The following RIPK4 variants were observed in gnomAD, a reference collection of about 807,000 sequenced individuals.
RIPK4 encodes receptor-interacting serine/threonine-protein kinase 4.
A neutral mutation model predicts 42.9 loss-of-function variants in RIPK4; 17 were observed. The observed-to-expected ratio is 0.40, with a 90% CI of 0.27 to 0.59. The LOEUF is 0.59. RIPK4 is among the 20% of genes least tolerant of loss of function. RIPK4 has a pLI of 0.47. For missense variants in RIPK4, 897 were observed against 1,104.4 expected, an observed-to-expected ratio of 0.81 and a Z score of 2.66; for synonymous variants, 498 against 499.1, an observed-to-expected ratio of 1.00 and a Z score of 0.03.
chr21:41,760,534 G>T (rs1481842267), intron 1 of RIPK4, among the ~76,000 whole-genome samples: 1 of 152,228 alleles, frequency 6.6e-6, no homozygotes, highest in African/African-American at 2.4e-5. Context: ...AGGGGCACCC[G>T]GGAGGCCAGC....
At chr21:41,766,485 G>T (rs1175490506) in intron 1 of RIPK4, among the ~76,000 whole-genome samples, 1 of 152,178 alleles carries the variant, frequency 6.6e-6, no homozygotes, top group African/African-American at 2.4e-5. Context: ...GCGCGGGTCC[G>T]AGGCGCAAGG....
At chr21:41,759,026 G>A (rs543886349) in intron 1 of RIPK4, among the ~76,000 whole-genome samples, 2 of 152,348 alleles carry the variant, frequency 1.3e-5, no homozygotes, top group African/African-American at 4.8e-5. Flanking sequence ...CCAGGAAGCT[G>A]GCTGGAATGC....
Position 41,751,865 on chromosome 21 carries a change from T to A in RIPK4, c.475-620A>T, listed in dbSNP as rs2061189598. On this transcript the variant is annotated intron_variant, in intron 2 of 7. Coordinates refer to ENST00000332512, the MANE Select transcript of RIPK4 (RefSeq NM_020639.3). The surrounding 1 kb of genome is among the most constrained non-coding windows in gnomAD (Gnocchi z 4.5). The stretch of plus-strand genomic sequence containing the variant: ...ACACTGGCTGGCTGCTTCAAACACA[T>A]GTGTTCGAGTGAAGGTCTGATAAAC... Among the ~76,000 whole-genome samples, 1 of 152,194 alleles carries A rather than the reference T, an allele frequency of 6.6e-6. No individual in the cohort carries two copies. Among genetic ancestry groups the A allele is most frequent in the Non-Finnish European group, 1.5e-5 (1 of 68,028 alleles).
chr21:41,749,085 A>G, intron 4 of RIPK4, 69 bp downstream of exon 4: 1 of 1,521,606 alleles, frequency 6.6e-7, no homozygotes, highest in African/African-American at 1.4e-5. Context: ...TAGAGAAAGG[A>G]CAACAAGGTG....
At chr21:41,749,600 CA>C (rs1318856446) in intron 3 of RIPK4, among the ~76,000 whole-genome samples, 1 of 152,192 alleles carries the variant, frequency 6.6e-6, no homozygotes, top group Non-Finnish European at 1.5e-5. Context: ...GAATGATGGG[CA>C]ACTCCCATGC....
rs1031604260 is a variant in RIPK4, at chr21:41,751,511, G to A, written c.475-266C>T. Among the ~76,000 whole-genome samples, 2 of 152,210 alleles carry A rather than the reference G, an allele frequency of 1.3e-5. No homozygotes were observed. The highest frequency in any genetic ancestry group is 2.9e-5 in the Non-Finnish European group (2 of 68,040). ...CGTACTGTAAGGAAGGAGTTATCCG[G>A]GACAGAACTGCAGAAGAATTAGAAT... On this transcript the variant is annotated intron_variant, in intron 2 of 7. Transcript: ENST00000332512. The surrounding 1 kb of genome is among the most constrained non-coding windows in gnomAD (Gnocchi z 4.5).
chr21:41,741,561 G>T lies in RIPK4; in HGVS notation c.1632C>A (p.Ala544=). 1 of 1,612,020 alleles carries T rather than the reference G, an allele frequency of 6.2e-7. No individual in the cohort carries two copies. Among genetic ancestry groups the T allele is most frequent in the African/African-American group, 1.3e-5 (1 of 75,060 alleles). Residue 544 remains alanine, a synonymous_variant, in exon 8 of 8, where the codon GCC becomes GCA. Coordinates refer to ENST00000332512, the MANE Select transcript of RIPK4 (RefSeq NM_020639.3). The stretch of plus-strand genomic sequence containing the variant: ...CGATATTCTCCTGCCCGTGCTGGCA[G>T]GCCACGTGCATGGGCGTCCGGCCCT... ...DFEGRTPMHV[A]CQHGQENIVR...
intron 1 of RIPK4, among the ~76,000 whole-genome samples, chr21:41,762,790 C>T (rs1194999989): frequency 6.6e-6 from 1 of 151,658 alleles, no homozygotes; most frequent in African/African-American, 2.4e-5. Flanking sequence ...TTACTATTAT[C>T]ATTTTAACAC....
At position 41,740,704 on chromosome 21, in the gene RIPK4, CA is replaced by C; in HGVS notation, c.*133del. 1.1e-6 allele frequency: 1 copy of C among 902,240 alleles called. No homozygotes were observed. The highest frequency in any genetic ancestry group is 1.8e-5 in the South Asian group (1 of 56,250). 55.9% of individuals were successfully genotyped at this position (902,240 alleles called of 1,614,324 possible). ...GTCAGCAGCAGCCGCCTCCTGATGG[CA>C]CCATGTCACCTCTGCTTGGTTAACA... On this transcript the variant is annotated 3_prime_UTR_variant, in exon 8 of 8. Transcript: ENST00000332512.
chr21:41,749,111 A>G (rs780356339), intron 4 of RIPK4, 43 bp downstream of exon 4: 2 of 1,604,196 alleles, frequency 1.2e-6, no homozygotes, highest in African/African-American at 1.3e-5. Context: ...CCATTATTCC[A>G]GGAAAGACAA....
intron 2 of RIPK4, among the ~76,000 whole-genome samples, chr21:41,752,424 T>C (rs2061191167): frequency 1.3e-5 from 2 of 151,968 alleles, no homozygotes; most frequent in Admixed American, 6.5e-5. Context: ...TGAGCACATC[T>C]GCAGGGAGGT....
chr21:41,747,580 G>A (rs936353972), intron 4 of RIPK4, among the ~76,000 whole-genome samples: 66 of 152,318 alleles, frequency 4.3e-4, no homozygotes, highest in Non-Finnish European at 7.2e-4. Flanking sequence ...CTCAGCAGGT[G>A]TGGAAAATCA....
chr21:41,745,885 T>C (rs778028069), intron 5 of RIPK4, 23 bp from the exon 6 acceptor site: 5 of 1,566,238 alleles, frequency 3.2e-6, no homozygotes, highest in Admixed American at 1.7e-5. Flanking sequence ...AAAGGGGACA[T>C]GTCACTCGGA....
At chr21:41,766,075 G>A (rs1450435266) in intron 1 of RIPK4, among the ~76,000 whole-genome samples, 4 of 152,254 alleles carry the variant, frequency 2.6e-5, no homozygotes, top group Admixed American at 1.3e-4. Context: ...GTGCAGGAGG[G>A]CCCCATGGCA....
chr21:41,766,243 C>T (rs932100865), intron 1 of RIPK4, among the ~76,000 whole-genome samples: 4 of 152,250 alleles, frequency 2.6e-5, no homozygotes, highest in Non-Finnish European at 5.9e-5. Flanking sequence ...CCCGGAGCTC[C>T]ACCGCGCAAG....
chr21:41,745,517 G>A (rs900626954), intron 6 of RIPK4, among the ~76,000 whole-genome samples: 1 of 152,198 alleles, frequency 6.6e-6, no homozygotes, highest in African/African-American at 2.4e-5. Flanking sequence ...TGGCTATTTA[G>A]TGTCAGGGAA....
rs1376549677 is a variant in RIPK4, at chr21:41,741,168, G to A, written c.2025C>T (p.His675=). Residue 675 remains histidine (H), a synonymous_variant, in exon 8 of 8, where the codon CAC becomes CAT. Transcript: ENST00000332512. ...CCAGGTGTCCGTTGCGGGCAGCCAGGTGCAGAGCGGTGTAGCCGTCTGAGG... is the reference window on the plus strand; with the variant it reads ...CCAGGTGTCCGTTGCGGGCAGCCAGATGCAGAGCGGTGTAGCCGTCTGAGG... The part of the protein sequence containing the change: ...AMTSDGYTAL[H]LAARNGHLAT... The A allele has an allele frequency of 1.9e-6, 3 of 1,612,430 alleles. No homozygotes were observed. In the African/African-American group the frequency reaches 4.0e-5, roughly 22 times the overall value.
At chr21:41,754,558 C>T (rs375589265) in intron 2 of RIPK4, among the ~76,000 whole-genome samples, 1 of 152,214 alleles carries the variant, frequency 6.6e-6, no homozygotes, top group Non-Finnish European at 1.5e-5. Context: ...CCCCCTGCAG[C>T]TGTCCTGAAA....
chr21:41,744,797 C>T (rs533410422), intron 6 of RIPK4, among the ~76,000 whole-genome samples: 3 of 152,132 alleles, frequency 2.0e-5, no homozygotes, highest in Non-Finnish European at 4.4e-5. Context: ...TGTGTGGGGA[C>T]GAGGGAAAGG....
Sources: allele counts gnomAD v4.1 joint callset (sites outside exome capture counted in the v4.1 genomes callset), GRCh38; gene constraint gnomAD v4.1.1; non-coding constraint Gnocchi (gnomAD v3.1); transcripts MANE v1.5; gene names NCBI Gene and HGNC (gene_info 2026-07-23, HGNC 2026-07-21).